The following CEP95 variants were observed in gnomAD, a reference collection of about 807,000 sequenced individuals.
CEP95 encodes centrosomal protein 95, also known as centrosomal protein of 95 kDa.
In CEP95, 98 loss-of-function variants were observed where a neutral mutation model predicts 111.2. The ratio of observed to expected loss-of-function variants is 0.88; its 90% CI spans 0.75 to 1.04. CEP95 has a LOEUF of 1.04. CEP95 is among the 50% of genes least tolerant of loss of function. The pLI, the probability that CEP95 is intolerant of heterozygous loss-of-function variation, is 0.00. For missense variants in CEP95, 1,027 were observed against 977.2 expected, an observed-to-expected ratio of 1.05 and a Z score of -0.68; for synonymous variants, 323 against 327.1, an observed-to-expected ratio of 0.99 and a Z score of 0.14.
Position 64,536,701 on chromosome 17 carries a change from C to G in CEP95, c.2170C>G (p.Arg724Gly). 6.2e-7 allele frequency: 1 copy of G among 1,612,766 alleles called. No individual in the cohort carries two copies. Among genetic ancestry groups the G allele is most frequent in the South Asian group, 1.1e-5 (1 of 90,776 alleles). ...AKEKRDEQRR[R>G]HQDELDSMEN... ...AGAAAAGCGAGATGAACAAAGGAGA[C>G]GCCACCAGGATGAACTGGACTCCAT... is the stretch of plus-strand genomic sequence containing the variant. The change falls in exon 18 of 20, where the codon CGC (arginine) becomes GGC (glycine). Residue 724 changes from arginine to glycine, a missense_variant. Arg to Gly is a moderately radical substitution (Grantham distance 125, BLOSUM62 -2). Transcript: ENST00000556440.
intron 4 of CEP95, among the ~76,000 whole-genome samples, chr17:64,515,058 T>C (rs557375678): frequency 6.6e-6 from 1 of 152,200 alleles, no homozygotes; most frequent in African/African-American, 2.4e-5. Flanking sequence ...AGTCTTTAGT[T>C]AGAGATAGTT....
At chr17:64,521,376 T>C in intron 6 of CEP95, 26 bp from the exon 7 acceptor site, 1 of 1,574,938 alleles carries the variant, frequency 6.3e-7, no homozygotes, top group South Asian at 1.2e-5. Context: ...AGTTAAAAAT[T>C]TTACCTTTAA....
At chr17:64,534,195 ACTGT>A (rs1435751385) in intron 16 of CEP95, 20 of 196,270 alleles carry the variant, frequency 1.0e-4, no homozygotes, top group African/African-American at 1.9e-4. Flanking sequence ...TTTGTCAGAT[ACTGT>A]CTAATTTCCT....
intron 3 of CEP95, among the ~76,000 whole-genome samples, chr17:64,512,288 G>T (rs1241003012): frequency 1.3e-5 from 2 of 152,188 alleles, no homozygotes; most frequent in African/African-American, 4.8e-5. Context: ...AATACTGATT[G>T]CTTCCAACAA....
intron 14 of CEP95, chr17:64,532,342 G>T (rs1389576867): frequency 1.3e-5 from 14 of 1,089,492 alleles, no homozygotes; most frequent in Non-Finnish European, 1.3e-5. Context: ...AGAATGAAAG[G>T]GATGCTCCAA....
chr17:64,537,565 T>C (rs782372274), intron 19 of CEP95, 38 bp from the exon 20 acceptor site: 1 of 1,539,840 alleles, frequency 6.5e-7, no homozygotes, highest in South Asian at 1.3e-5. Context: ...CCTGGATAAA[T>C]GCTGTGAACA....
At chr17:64,537,472 G>A (rs1420550206) in intron 19 of CEP95, 131 bp from the exon 20 acceptor site, 3 of 1,411,740 alleles carry the variant, frequency 2.1e-6, no homozygotes, top group Non-Finnish European at 2.8e-6. Flanking sequence ...TTAGGTCTCT[G>A]TAAGAGCTGC....
At position 64,532,282 on chromosome 17, in the gene CEP95, G is replaced by A. The variant is rs118010167; in HGVS notation, c.1672+260G>A. ...TGCTGCTCCAGCGTTAGCCTCACTC[G>A]TGTGCTTACTCACTTTGACTGCCTT... On this transcript the variant is annotated intron_variant, in intron 14 of 19. Coordinates refer to ENST00000556440, the MANE Select transcript of CEP95 (RefSeq NM_138363.3). The A allele has an allele frequency of 1.8e-3, 2,207 of 1,194,042 alleles. 47 individuals carry two copies. In the East Asian group the frequency reaches 0.06, roughly 33 times the overall value. 74.0% of individuals were successfully genotyped at this position (1,194,042 alleles called of 1,614,324 possible).
chr17:64,513,463 C>T (rs1260766801), intron 3 of CEP95, among the ~76,000 whole-genome samples: 5 of 152,138 alleles, frequency 3.3e-5, no homozygotes, highest in African/African-American at 1.2e-4. Flanking sequence ...ACATTTCAAC[C>T]TAATCATTTA....
At chr17:64,507,431 C>T (rs2038614614) in intron 1 of CEP95, 4 of 1,350,608 alleles carry the variant, frequency 3.0e-6, no homozygotes, top group Non-Finnish European at 3.8e-6. Context: ...CGTCTAGCCG[C>T]TGTCCGTGTG....
chr17:64,536,830 CAATA>C (rs1186050025), intron 18 of CEP95, 82 bp downstream of exon 18: 6 of 1,463,324 alleles, frequency 4.1e-6, no homozygotes, highest in African/African-American at 2.8e-5. Context: ...AGTCTGTTGA[CAATA>C]AACCTTGTGT....
In CEP95 at chr17:64,536,694, AAGG is replaced by A. The variant is rs782294837; in HGVS notation, c.2166_2168del (p.Arg724del). The A allele has an allele frequency of 3.1e-6, 5 of 1,613,072 alleles. No homozygotes were observed. In the African/African-American group the frequency reaches 6.7e-5, roughly 22 times the overall value. On this transcript the variant is annotated inframe_deletion, in exon 18 of 20. Transcript: ENST00000556440. ...ATGCCAAAGAAAAGCGAGATGAACA[AAGG>A]AGACGCCACCAGGATGAACTGGACT...
Position 64,508,573 on chromosome 17 carries a change from T to TC in CEP95, c.20-14dup. On this transcript the variant is annotated intron_variant, in intron 1 of 19. Transcript: ENST00000556440. Reference sequence around the variant, plus strand: ...TCTGGTGGTTTTTAAGACTGATCTTTCCCCCTTTTTCCCAACAGAGTGGGT... The same window carrying TC: ...TCTGGTGGTTTTTAAGACTGATCTTTCCCCCCTTTTTCCCAACAGAGTGGGT... The TC allele has an allele frequency of 7.3e-7, 1 of 1,362,186 alleles. No individual in the cohort carries two copies. Among genetic ancestry groups the TC allele is most frequent in the Non-Finnish European group, 9.6e-7 (1 of 1,044,086 alleles). The allele number at this position is 1,362,186 out of a possible 1,614,324, so 84.4% of individuals were successfully genotyped here.
In CEP95 at chr17:64,530,772, C is replaced by T. The variant is rs115411047; in HGVS notation, c.1447-154C>T. ...ATCCACCTGTCTCATCCTCACCGCA[C>T]GCGGCTAAGAGCTTGGATGCTCGGT... On this transcript the variant is annotated intron_variant, in intron 12 of 19. Transcript: ENST00000556440. 2.4e-3 allele frequency among the ~76,000 whole-genome samples: 364 copies of T among 152,274 alleles called. 5 individuals are homozygous for T. Among genetic ancestry groups the T allele is most frequent in the African/African-American group, 8.4e-3 (347 of 41,544 alleles).
intron 1 of CEP95, chr17:64,507,970 A>T: frequency 2.0e-6 from 2 of 985,394 alleles, no homozygotes; most frequent in Non-Finnish European, 2.4e-6. Context: ...CGTCAACAGT[A>T]TTGATAATTC....
chr17:64,508,706 G>A lies in CEP95; in HGVS notation c.134G>A (p.Gly45Glu). 7.1e-7 allele frequency: 1 copy of A among 1,407,878 alleles called. No individual in the cohort carries two copies. The highest frequency in any genetic ancestry group is 9.3e-7 in the Non-Finnish European group (1 of 1,070,694). The allele number at this position is 1,407,878 out of a possible 1,614,324, so 87.2% of individuals were successfully genotyped here. The change falls in exon 2 of 20, where the codon GGA becomes GAA. Residue 45 changes from glycine to glutamate, a missense_variant. Gly to Glu is a moderately conservative substitution (Grantham distance 98). Transcript: ENST00000556440. ...ATTGCTCTTTATCAGTCTATTTTGG[G>A]AGAAAAGGTACCAGGTAAGAATACT... Reference protein sequence around the residue: ...VFIALYQSILGEKVPDLIVIP... With the variant: ...VFIALYQSILEEKVPDLIVIP...
chr17:64,536,614 CTGTT>C lies in CEP95; in HGVS notation c.2086_2089del (p.Phe696LysfsTer4). On this transcript the variant is annotated frameshift_variant, in exon 18 of 20. Transcript: ENST00000556440. LOFTEE classifies it high-confidence loss of function. Reference sequence around the variant, plus strand: ...AAATAACTGACAGATATTTAAGAAACTGTTTGAAGAAGGTTTAAACATTCAAAAG... The same window carrying C: ...AAATAACTGACAGATATTTAAGAAACTGAAGAAGGTTTAAACATTCAAAAG... 2.5e-6 allele frequency: 4 copies of C among 1,588,842 alleles called. No individual in the cohort carries two copies. Among genetic ancestry groups the C allele is most frequent in the Non-Finnish European group, 3.4e-6 (4 of 1,171,812 alleles).
chr17:64,512,966 A>G (rs2038970216), intron 3 of CEP95, among the ~76,000 whole-genome samples: 1 of 152,196 alleles, frequency 6.6e-6, no homozygotes, highest in Non-Finnish European at 1.5e-5. Context: ...CCTATGAAAA[A>G]TTGTAAAACA....
intron 2 of CEP95, among the ~76,000 whole-genome samples, chr17:64,509,581 AG>A (rs1474696475): frequency 6.6e-6 from 1 of 152,228 alleles, no homozygotes; most frequent in East Asian, 1.9e-4. Flanking sequence ...GCTACTTGGG[AG>A]GCTGAGGCAA....
Sources: gnomAD v4.1 joint callset for allele counts (sites outside exome capture counted in the v4.1 genomes callset) on GRCh38, gnomAD v4.1.1 for gene constraint, MANE v1.5 for transcripts, NCBI Gene and HGNC (gene_info 2026-07-23, HGNC 2026-07-21) for gene names.